Variants in TSPAN18 observed in about 807,000 individuals in gnomAD.
TSPAN18 encodes the protein tetraspanin-18.
A neutral mutation model predicts 27.3 loss-of-function variants in TSPAN18; 14 were observed. The observed-to-expected ratio is 0.51, with a 90% confidence interval of 0.34 to 0.80. The LOEUF is 0.80. Among genes scored for constraint, TSPAN18 ranks in the 30% least tolerant of loss-of-function variants. The pLI is 0.01. For synonymous variants in TSPAN18, 143 were observed against 136.5 expected (o/e 1.05, Z -0.33); for missense variants, 268 against 323.9 (o/e 0.83, Z 1.32).
chr11:44,918,046 T>C lies in TSPAN18; in HGVS notation c.333T>C (p.Asn111=). ...AAILAFIFRE[N]LTREFFTKEL... is the part of the protein sequence containing the mutation. ...TCCTGGCCTTCATCTTCAGGGAAAA[T>C]GTACGTATCAGGCCCCAAGCTTTCC... Residue 111 remains asparagine, a splice_region_variant and synonymous_variant, in exon 6 of 10, where the codon AAT becomes AAC. Transcript: ENST00000520358. 1.9e-6 allele frequency: 3 copies of C among 1,613,908 alleles called. No individual in the cohort carries two copies. The highest frequency in any genetic ancestry group is 2.5e-6 in the Non-Finnish European group (3 of 1,179,990).
intron 2 of TSPAN18, among the ~76,000 whole-genome samples, chr11:44,810,839 G>A (rs1856698403): frequency 6.6e-6 from 1 of 151,914 alleles, no homozygotes; most frequent in African/African-American, 2.4e-5. Flanking sequence ...GAACTCCTGG[G>A]CTCAAGTGAT....
intron 1 of TSPAN18, among the ~76,000 whole-genome samples, chr11:44,757,937 A>G (rs924348538): frequency 1.3e-5 from 2 of 151,908 alleles, no homozygotes; most frequent in Non-Finnish European, 2.9e-5. Context: ...CTCTGTTTGT[A>G]TTGTCTTTTG....
chr11:44,895,206 G>T (rs768416738), intron 3 of TSPAN18, among the ~76,000 whole-genome samples: 1 of 152,138 alleles, frequency 6.6e-6, no homozygotes, highest in African/African-American at 2.4e-5. Context: ...TTGTATCCAC[G>T]CTACCCAAGC....
At chr11:44,731,289 G>A (rs1251766590) in intron 1 of TSPAN18, among the ~76,000 whole-genome samples, 4 of 152,138 alleles carry the variant, frequency 2.6e-5, no homozygotes, top group African/African-American at 4.8e-5. Context: ...AGCAGTGCGT[G>A]GTGGTTAAAC....
At chr11:44,889,397 A>T (rs776053044) in intron 3 of TSPAN18, among the ~76,000 whole-genome samples, 4 of 152,040 alleles carry the variant, frequency 2.6e-5, no homozygotes, top group Non-Finnish European at 4.4e-5. Context: ...ATTCCCCACC[A>T]CAAACCTCTG....
intron 2 of TSPAN18, among the ~76,000 whole-genome samples, chr11:44,839,857 G>A (rs765747196): frequency 3.9e-5 from 6 of 152,084 alleles, no homozygotes; most frequent in Non-Finnish European, 7.4e-5. Context: ...TTGATTCCCC[G>A]GTGCTCCCCA....
intron 1 of TSPAN18, among the ~76,000 whole-genome samples, chr11:44,752,302 T>A (rs1855229037): frequency 6.6e-6 from 1 of 152,252 alleles, no homozygotes; most frequent in South Asian, 2.1e-4. Context: ...ATCCACATTT[T>A]GTTCTTTGTT....
chr11:44,917,923 C>T (rs375494499), intron 5 of TSPAN18, 49 bp from the exon 6 acceptor site: 46 of 1,592,536 alleles, frequency 2.9e-5, no homozygotes, highest in Non-Finnish European at 3.6e-5. Context: ...GTGGCCGCCC[C>T]ATCCCCTGCC....
intron 8 of TSPAN18, among the ~76,000 whole-genome samples, chr11:44,921,035 G>A (rs1590696102): frequency 6.6e-6 from 1 of 152,200 alleles, no homozygotes; most frequent in Admixed American, 6.5e-5. Context: ...GCTCTGGCGG[G>A]CCCTTTCCAG....
chr11:44,920,076 C>A, intron 8 of TSPAN18, 77 bp downstream of exon 8: 6 of 1,443,434 alleles, frequency 4.2e-6, no homozygotes, highest in Non-Finnish European at 5.6e-6. Flanking sequence ...GAGGCGCTAT[C>A]ACCCCAGAGG....
At chr11:44,876,245 GGT>G (rs1401264564) in intron 3 of TSPAN18, among the ~76,000 whole-genome samples, 1 of 152,218 alleles carries the variant, frequency 6.6e-6, no homozygotes, top group African/African-American at 2.4e-5. Flanking sequence ...AACAAAGGTG[GGT>G]CAATGCTGTC....
intron 1 of TSPAN18, among the ~76,000 whole-genome samples, chr11:44,730,201 A>G (rs909741015): frequency 6.6e-6 from 1 of 152,170 alleles, no homozygotes; most frequent in African/African-American, 2.4e-5. Flanking sequence ...GAGCTGAAGG[A>G]CAAAGTGCCC....
chr11:44,795,019 C>T (rs1432176006), intron 2 of TSPAN18, among the ~76,000 whole-genome samples: 6 of 152,274 alleles, frequency 3.9e-5, no homozygotes, highest in Middle Eastern at 3.4e-3. Context: ...AGGCAGACAT[C>T]GGCATTGTCC....
chr11:44,774,044 TGGAGGCA>T (rs1855749596), intron 2 of TSPAN18, among the ~76,000 whole-genome samples: 1 of 152,024 alleles, frequency 6.6e-6, no homozygotes, highest in African/African-American at 2.4e-5. Context: ...GTGTAGCCCA[TGGAGGCA>T]GCTGTTCTAA....
At chr11:44,874,011 C>T (rs574607191) in intron 3 of TSPAN18, among the ~76,000 whole-genome samples, 33 of 152,294 alleles carry the variant, frequency 2.2e-4, no homozygotes, top group African/African-American at 6.3e-4. Flanking sequence ...ACCCAGCACC[C>T]GCAGCCTGGG....
intron 3 of TSPAN18, among the ~76,000 whole-genome samples, chr11:44,861,533 A>C (rs1173268617): frequency 1.6e-5 from 2 of 127,742 alleles, no homozygotes; most frequent in Non-Finnish European, 3.3e-5. Context: ...TGGGTTGGGG[A>C]AGTCAGCCTG....
chr11:44,728,390 A>G (rs1854571149), intron 1 of TSPAN18, among the ~76,000 whole-genome samples: 1 of 152,150 alleles, frequency 6.6e-6, no homozygotes, highest in Admixed American at 6.5e-5. Flanking sequence ...CAGAAACCCA[A>G]ACCCCAAAAT....
intron 2 of TSPAN18, among the ~76,000 whole-genome samples, chr11:44,848,498 C>G (rs1857530693): frequency 6.6e-6 from 1 of 151,998 alleles, no homozygotes; most frequent in Non-Finnish European, 1.5e-5. Flanking sequence ...AGCAGGGGCT[C>G]AGAAACCAAA....
intron 2 of TSPAN18, among the ~76,000 whole-genome samples, chr11:44,832,912 CT>C (rs1362914710): frequency 6.6e-6 from 1 of 152,172 alleles, no homozygotes; most frequent in Non-Finnish European, 1.5e-5. Context: ...TGGGACTTTA[CT>C]TGCCAACAAT....
Sources: allele counts gnomAD v4.1 joint callset (sites outside exome capture counted in the v4.1 genomes callset), GRCh38; gene constraint gnomAD v4.1.1; transcripts MANE v1.5; gene names NCBI Gene and HGNC (gene_info 2026-07-23, HGNC 2026-07-21).